Variants in ADGRG5 observed in about 807,000 individuals in gnomAD.
The protein encoded by ADGRG5 is G protein-coupled receptor 114.
Under a neutral mutation model 53.2 loss-of-function variants are expected in ADGRG5, and 37 were observed. The ratio of observed to expected loss-of-function variants is 0.70; its 90% CI spans 0.53 to 0.91. The LOEUF is 0.91. Ranked by LOEUF, ADGRG5 falls within the 40% of genes least tolerant of loss-of-function variation. ADGRG5 has a pLI of 0.00. For synonymous variants in ADGRG5, 277 were observed against 290.4 expected (o/e 0.95, Z 0.47); for missense variants, 614 against 675.8 (o/e 0.91, Z 1.01).
chr16:57,554,745 T>G (rs969100233), intron 1 of ADGRG5, among the ~76,000 whole-genome samples: 2 of 152,188 alleles, frequency 1.3e-5, no homozygotes, highest in African/African-American at 4.8e-5. Context: ...TTATATTTAT[T>G]AAGGTGGAAG....
the ADGRG5 span, among the ~76,000 whole-genome samples, chr16:57,536,838 C>T: frequency 2.6e-5 from 4 of 152,266 alleles, no homozygotes; most frequent in South Asian, 2.1e-4. Flanking sequence ...CGGGGGGGCT[C>T]GGCTTTCTTG....
Position 57,563,122 on chromosome 16 carries a change from A to G in ADGRG5, c.172A>G (p.Asn58Asp), listed in dbSNP as rs2033044483. 6.2e-7 allele frequency: 1 copy of G among 1,614,118 alleles called. No individual in the cohort carries two copies. Among genetic ancestry groups the G allele is most frequent in the Admixed American group, 1.7e-5 (1 of 60,022 alleles). Residue 58 changes from asparagine (N) to aspartate (D), a missense_variant, in exon 4 of 12, where the codon AAC becomes GAC. Physicochemically the swap from Asn to Asp is conservative, Grantham distance 23 (BLOSUM62 1). Coordinates refer to ENST00000349457, the MANE Select transcript of ADGRG5 (RefSeq NM_001304376.3). ...QLHQLEQMLL[N>D]TSFPGYNLTL... ...CCACCAGCTGGAGCAGATGCTACTG[A>G]ACACCAGCTTCCCAGGCTACAACCT... is the stretch of plus-strand genomic sequence containing the variant.
chr16:57,538,329 G>T (rs1452777628), upstream of ADGRG5, among the ~76,000 whole-genome samples: 1 of 152,150 alleles, frequency 6.6e-6, no homozygotes, highest in African/African-American at 2.4e-5. Context: ...ACTGGACTGG[G>T]CACGGCGGCT....
chr16:57,533,611 C>T, the ADGRG5 span, among the ~76,000 whole-genome samples: 1 of 151,026 alleles, frequency 6.6e-6, no homozygotes, highest in South Asian at 2.1e-4. Flanking sequence ...GCCCCAGGGA[C>T]CCGCACTCAC....
chr16:57,552,318 G>A (rs1416882610), intron 1 of ADGRG5, among the ~76,000 whole-genome samples: 1 of 152,168 alleles, frequency 6.6e-6, no homozygotes, highest in African/African-American at 2.4e-5. Flanking sequence ...CTCTTAGATG[G>A]CATCCGCTTC....
rs146006750 is a variant in ADGRG5 at position 57,567,892 on chromosome 16, C to T, written c.858C>T (p.Asn286=). 10 of 1,612,722 alleles carry T rather than the reference C, an allele frequency of 6.2e-6. No homozygotes were observed. Among genetic ancestry groups the T allele is most frequent in the South Asian group, 5.5e-5 (5 of 91,026 alleles). ...ACTCCTTAACACGCATCCACATGAA[C>T]CTGCATGCCTCCGTGCTGCTCCTGA... ...QSDSLTRIHM[N]LHASVLLLNI... is the part of the protein sequence containing the mutation. The change falls in exon 9 of 12, where the codon AAC becomes AAT. Residue 286 remains asparagine, a synonymous_variant. Coordinates refer to ENST00000349457, the MANE Select transcript of ADGRG5 (RefSeq NM_001304376.3).
intron 10 of ADGRG5, 35 bp downstream of exon 10, chr16:57,570,570 C>A: frequency 6.8e-7 from 1 of 1,481,464 alleles, no homozygotes; most frequent in Non-Finnish European, 9.4e-7. Context: ...GGCTCCCTGG[C>A]TCTGGCAGAA....
chr16:57,563,358 A>G (rs1290181023), intron 4 of ADGRG5, 111 bp downstream of exon 4: 3 of 928,858 alleles, frequency 3.2e-6, no homozygotes, highest in East Asian at 2.5e-5. Flanking sequence ...CCCACACCCC[A>G]CAGTCCAGGC....
At chr16:57,562,620 G>A (rs1413659843) in intron 3 of ADGRG5, 161 bp downstream of exon 3, 3 of 596,740 alleles carry the variant, frequency 5.0e-6, no homozygotes, top group Middle Eastern at 6.5e-4. Flanking sequence ...GCATGTCACT[G>A]CCCTCATGAA....
At chr16:57,556,490 T>C (rs979036433) in intron 1 of ADGRG5, among the ~76,000 whole-genome samples, 11 of 152,244 alleles carry the variant, frequency 7.2e-5, no homozygotes, top group Admixed American at 2.6e-4. Flanking sequence ...TTTTTTGTGA[T>C]GGCATTGTAG....
At chr16:57,538,297 A>C (rs2032437244), upstream of ADGRG5, among the ~76,000 whole-genome samples, 2 of 152,260 alleles carry the variant, frequency 1.3e-5, no homozygotes, top group African/African-American at 4.8e-5. Flanking sequence ...TCTCATAATG[A>C]GAAAAGTGAA....
At chr16:57,561,798 A>C (rs915315370) in intron 1 of ADGRG5, among the ~76,000 whole-genome samples, 2 of 152,172 alleles carry the variant, frequency 1.3e-5, no homozygotes, top group Non-Finnish European at 2.9e-5. Flanking sequence ...CTTTTTGGGA[A>C]GGGGAGTGTA....
At chr16:57,543,815 T>G (rs2032552150) in intron 1 of ADGRG5, among the ~76,000 whole-genome samples, 1 of 152,126 alleles carries the variant, frequency 6.6e-6, no homozygotes. Context: ...GGCCAAGGAC[T>G]TTGATCAGAG....
intron 1 of ADGRG5, among the ~76,000 whole-genome samples, chr16:57,546,017 A>C (rs1227412770): frequency 1.3e-5 from 2 of 152,058 alleles, no homozygotes; most frequent in African/African-American, 4.8e-5. Flanking sequence ...GTAGAGACAG[A>C]GTTTCACCTT....
rs2146813733 is a variant in ADGRG5, at chr16:57,567,891, A to G, written c.857A>G (p.Asn286Ser). Reference protein sequence around the residue: ...QSDSLTRIHMNLHASVLLLNI... With the variant: ...QSDSLTRIHMSLHASVLLLNI... ...GACTCCTTAACACGCATCCACATGA[A>G]CCTGCATGCCTCCGTGCTGCTCCTG... The change falls in exon 9 of 12, where the codon AAC becomes AGC. Residue 286 changes from asparagine (N) to serine (S), a missense_variant. Coordinates refer to ENST00000349457, the MANE Select transcript of ADGRG5 (RefSeq NM_001304376.3). 2.5e-6 allele frequency: 4 copies of G among 1,612,782 alleles called. No homozygotes were observed. In the East Asian group the frequency reaches 6.7e-5, roughly 27 times the overall value.
intron 3 of ADGRG5, chr16:57,562,735 G>T: frequency 1.8e-6 from 1 of 545,166 alleles, no homozygotes; most frequent in East Asian, 3.1e-5. Flanking sequence ...TAAGATTCTG[G>T]CTGGGCTCTC....
In ADGRG5 at chr16:57,562,446, G is replaced by T; in HGVS notation, c.127G>T (p.Val43Phe). Reference sequence around the variant, plus strand: ...GCAGGTGTCCAGGGGCCGGAGCTCAGTTTTTTCCTCTCGGTGAGTTGGATG... The same window carrying T: ...GCAGGTGTCCAGGGGCCGGAGCTCATTTTTTTCCTCTCGGTGAGTTGGATG... ...NMQVSRGRSS[V>F]FSSRQLHQLE... Residue 43 changes from valine (V) to phenylalanine (F), a missense_variant, in exon 3 of 12, where the codon GTT becomes TTT. By Grantham distance (50) the Val-to-Phe change is conservative (BLOSUM62 -1). Transcript: ENST00000349457. 1 of 1,602,884 alleles carries T rather than the reference G, an allele frequency of 6.2e-7. No homozygotes were observed. The highest frequency in any genetic ancestry group is 8.5e-7 in the Non-Finnish European group (1 of 1,174,978).
chr16:57,575,649 T>C lies in ADGRG5; in HGVS notation c.*111T>C. 1.2e-6 allele frequency: 1 copy of C among 814,148 alleles called. No homozygotes were observed. Among genetic ancestry groups the C allele is most frequent in the South Asian group, 1.5e-5 (1 of 65,514 alleles). The allele number at this position is 814,148 out of a possible 1,614,324, so 50.4% of individuals were successfully genotyped here. Reference sequence around the variant, plus strand: ...TGCTGCTGGACCCCAGAGGCCACTGTGACCGCCAAGGGGCCTTTTCCACTT... The same window carrying C: ...TGCTGCTGGACCCCAGAGGCCACTGCGACCGCCAAGGGGCCTTTTCCACTT... On this transcript the variant is annotated 3_prime_UTR_variant, in exon 12 of 12. Coordinates refer to ENST00000349457, the MANE Select transcript of ADGRG5 (RefSeq NM_001304376.3).
At chr16:57,535,046 G>A in the ADGRG5 span, among the ~76,000 whole-genome samples, 2 of 152,220 alleles carry the variant, frequency 1.3e-5, no homozygotes, top group Admixed American at 6.5e-5. Flanking sequence ...TCCTCCCAGA[G>A]CCTTTCAGGT....
Sources: gnomAD v4.1 joint callset for allele counts (sites outside exome capture counted in the v4.1 genomes callset) on GRCh38, gnomAD v4.1.1 for gene constraint, MANE v1.5 for transcripts, NCBI Gene and HGNC (gene_info 2026-07-23, HGNC 2026-07-21) for gene names.